GNAL: variants seen among roughly 807,000 people sequenced by gnomAD.
The protein encoded by GNAL is guanine nucleotide-binding protein G(olf) subunit alpha.
GNAL carries 18 observed loss-of-function variants against 55.1 expected under a neutral mutation model. The observed-to-expected ratio is 0.33, with a 90% CI of 0.23 to 0.48. The LOEUF is 0.48. Among genes scored for constraint, GNAL ranks in the 20% least tolerant of loss-of-function variants. The probability of loss-of-function intolerance (pLI) is 0.99; values close to 1 mark genes in which losing one functional copy is unlikely to be tolerated. For missense variants in GNAL, 412 were observed against 614.1 expected, an observed-to-expected ratio of 0.67 and a Z score of 3.48; for synonymous variants, 253 against 237.0, an observed-to-expected ratio of 1.07 and a Z score of -0.62.
intron 1 of GNAL, among the ~76,000 whole-genome samples, chr18:11,697,025 C>T (rs1248795790): frequency 6.6e-6 from 1 of 152,200 alleles, no homozygotes; most frequent in African/African-American, 2.4e-5. Flanking sequence ...AATGATAATC[C>T]TAATCCCACT....
At chr18:11,754,528 C>CT (rs1372963634) in intron 4 of GNAL, among the ~76,000 whole-genome samples, 1 of 152,056 alleles carries the variant, frequency 6.6e-6, no homozygotes, top group Non-Finnish European at 1.5e-5. Context: ...ACTGATGGTG[C>CT]TTTTTTTCCT....
At chr18:11,863,740 T>C (rs780818975) in intron 6 of GNAL, among the ~76,000 whole-genome samples, 2 of 152,116 alleles carry the variant, frequency 1.3e-5, no homozygotes, top group Non-Finnish European at 2.9e-5. Context: ...GGGTACCACA[T>C]CTTTTATCTT....
At chr18:11,838,465 A>C (rs530428974) in intron 5 of GNAL, among the ~76,000 whole-genome samples, 1 of 152,338 alleles carries the variant, frequency 6.6e-6, no homozygotes, top group African/African-American at 2.4e-5. Flanking sequence ...AAAATGTTCT[A>C]AAAGTGATTG....
At chr18:11,825,331 T>C (rs1027486335) in intron 5 of GNAL, among the ~76,000 whole-genome samples, 7 of 152,182 alleles carry the variant, frequency 4.6e-5, no homozygotes, top group Non-Finnish European at 8.8e-5. Flanking sequence ...GTTATTGTTA[T>C]GTTTTGATTT....
intron 5 of GNAL, chr18:11,852,116 A>G (rs1040348120): frequency 6.3e-7 from 1 of 1,586,614 alleles, no homozygotes; most frequent in Non-Finnish European, 8.6e-7. Context: ...GTGTGACGGC[A>G]GAACCCGCTC....
In GNAL at chr18:11,717,000, G is replaced by A. The variant is rs139612941; in HGVS notation, c.376+27061G>A. 3.6e-4 allele frequency among the ~76,000 whole-genome samples: 55 copies of A among 152,338 alleles called. 1 individual carries two copies. The East Asian group carries it at 8.5e-3, about 24-fold the overall frequency. Reference sequence around the variant, plus strand: ...GGACTGGGTGCCTGGAGCAGGGGGCGGCGCTGGTCAGGGAGGCTCAGCTTT... The same window carrying A: ...GGACTGGGTGCCTGGAGCAGGGGGCAGCGCTGGTCAGGGAGGCTCAGCTTT... On this transcript the variant is annotated intron_variant, in intron 1 of 11. Transcript: ENST00000334049.
chr18:11,852,165 C>G, intron 5 of GNAL: 4 of 1,504,334 alleles, frequency 2.7e-6, no homozygotes, highest in East Asian at 4.9e-5. Context: ...GAAATGCTCT[C>G]TGTGTGTTAG....
chr18:11,717,550 G>T (rs2032002145), intron 1 of GNAL, among the ~76,000 whole-genome samples: 1 of 152,228 alleles, frequency 6.6e-6, no homozygotes, highest in Non-Finnish European at 1.5e-5. Flanking sequence ...CTAAATGTCT[G>T]TTGTGGTAGA....
At chr18:11,788,926 TATATATATATACAC>T (rs2034150260) in intron 4 of GNAL, among the ~76,000 whole-genome samples, 1 of 122,264 alleles carries the variant, frequency 8.2e-6, no homozygotes, top group Non-Finnish European at 1.6e-5. Context: ...TATATATATA[TATATATATATACAC>T]ATATATATCA....
intron 4 of GNAL, among the ~76,000 whole-genome samples, chr18:11,774,506 A>G (rs2033723713): frequency 6.6e-6 from 1 of 152,224 alleles, no homozygotes; most frequent in South Asian, 2.1e-4. Flanking sequence ...ATACCAATGA[A>G]AATGGCGACC....
intron 1 of GNAL, among the ~76,000 whole-genome samples, chr18:11,715,094 A>G (rs2031923537): frequency 6.6e-6 from 1 of 151,834 alleles, no homozygotes; most frequent in Non-Finnish European, 1.5e-5. Flanking sequence ...GCAGTGAGCC[A>G]TGATGGTGCC....
At chr18:11,813,362 A>T (rs1010232457) in intron 4 of GNAL, among the ~76,000 whole-genome samples, 3 of 152,212 alleles carry the variant, frequency 2.0e-5, no homozygotes, top group African/African-American at 7.2e-5. Flanking sequence ...CAAGTGACCC[A>T]TAGATTCAAT....
intron 1 of GNAL, among the ~76,000 whole-genome samples, chr18:11,728,905 G>T (rs756161568): frequency 2.6e-5 from 4 of 152,116 alleles, no homozygotes; most frequent in Non-Finnish European, 5.9e-5. Flanking sequence ...CTGATGAAAG[G>T]CTGACTCCTC....
intron 4 of GNAL, among the ~76,000 whole-genome samples, chr18:11,785,367 T>G (rs2034028267): frequency 6.6e-6 from 1 of 152,188 alleles, no homozygotes; most frequent in Non-Finnish European, 1.5e-5. Context: ...GGATGCTCCG[T>G]GGTAAGCCTG....
At chr18:11,787,284 A>C (rs1335993429) in intron 4 of GNAL, among the ~76,000 whole-genome samples, 2 of 152,236 alleles carry the variant, frequency 1.3e-5, no homozygotes, top group African/African-American at 4.8e-5. Flanking sequence ...TATCCACTTC[A>C]AGACAATGCA....
At chr18:11,770,785 A>T (rs1034522213) in intron 4 of GNAL, among the ~76,000 whole-genome samples, 1 of 152,218 alleles carries the variant, frequency 6.6e-6, no homozygotes, top group African/African-American at 2.4e-5. Flanking sequence ...TTGAATGAAG[A>T]TATATCATTT....
At chr18:11,837,718 A>C (rs1247185872) in intron 5 of GNAL, among the ~76,000 whole-genome samples, 1 of 152,198 alleles carries the variant, frequency 6.6e-6, no homozygotes, top group Non-Finnish European at 1.5e-5. Flanking sequence ...GTTCTAAAAA[A>C]CGTTAAACAC....
chr18:11,741,081 G>A (rs925071672), intron 1 of GNAL, among the ~76,000 whole-genome samples: 6 of 152,316 alleles, frequency 3.9e-5, no homozygotes, highest in South Asian at 4.2e-4. Context: ...TAAGGCAACT[G>A]GGCAAAGAGA....
chr18:11,866,819 G>A (rs1271914389), intron 7 of GNAL, among the ~76,000 whole-genome samples: 1 of 141,394 alleles, frequency 7.1e-6, no homozygotes, highest in Non-Finnish European at 1.5e-5. Flanking sequence ...TGTACTCAGA[G>A]AGGCCTGAGT....
Sources: allele counts gnomAD v4.1 joint callset (sites outside exome capture counted in the v4.1 genomes callset), GRCh38; gene constraint gnomAD v4.1.1; transcripts MANE v1.5; gene names NCBI Gene and HGNC (gene_info 2026-07-23, HGNC 2026-07-21).